The following ARL2 variants were observed in gnomAD, a reference collection of about 807,000 sequenced individuals.
ARL2 encodes ADP-ribosylation factor-like protein 2.
A neutral mutation model predicts 22.0 loss-of-function variants in ARL2; 11 were observed. The ratio of observed to expected loss-of-function variants is 0.50; its 90% confidence interval spans 0.31 to 0.83. The LOEUF is 0.83. ARL2 is among the 40% of genes least tolerant of loss of function. ARL2 has a pLI of 0.04. For missense variants in ARL2, 216 were observed against 243.2 expected (o/e 0.89, Z 0.74); for synonymous variants, 111 against 100.8 (o/e 1.10, Z -0.61).
rs1946285729 is a variant in ARL2, at chr11:65,018,477, G to A, written c.176+3G>A. 1.2e-6 allele frequency: 2 copies of A among 1,606,172 alleles called. No individual in the cohort carries two copies. Among genetic ancestry groups the A allele is most frequent in the Admixed American group, 1.7e-5 (1 of 58,406 alleles). On this transcript the variant is annotated splice_donor_region_variant and intron_variant, in intron 2 of 4. Coordinates refer to ENST00000246747, the MANE Select transcript of ARL2 (RefSeq NM_001667.4). This position sits in a 1 kb window ranked among gnomAD's most constrained non-coding sequence, Gnocchi z 4.2. ...ATCAAGACCCTGGAGCACCGAGGGT[G>A]AGCAGGGGCCCCATGGGAGGGCCAG...
At chr11:65,019,558 G>A (rs2136909875) in intron 3 of ARL2, 1 of 152,992 alleles carries the variant, frequency 6.5e-6, no homozygotes, top group Admixed American at 6.5e-5. Flanking sequence ...AAAAAAGAAG[G>A]ACACTTGCAA....
intron 1 of ARL2, among the ~76,000 whole-genome samples, chr11:65,014,708 G>T (rs1406439567): frequency 6.6e-6 from 1 of 152,232 alleles, no homozygotes; most frequent in Non-Finnish European, 1.5e-5. Context: ...TGGGCTCCGC[G>T]GATCCTTTCG....
At position 65,021,743 on chromosome 11, in the gene ARL2, G is replaced by A. The variant is rs146832019; in HGVS notation, c.443G>A (p.Arg148His). The part of the protein sequence containing the change: ...IREVLELDSI[R>H]SHHWCIQGCS... ...CAGGTCCTGGAGCTGGACTCCATCC[G>A]CAGCCACCACTGGTGCATCCAGGGC... is the stretch of plus-strand genomic sequence containing the variant. Residue 148 changes from arginine (R) to histidine (H), a missense_variant, in exon 5 of 5, where the codon CGC (arginine) becomes CAC (histidine). Coordinates refer to ENST00000246747, the MANE Select transcript of ARL2 (RefSeq NM_001667.4). The A allele has an allele frequency of 2.4e-5, 38 of 1,606,710 alleles. No individual in the cohort carries two copies. Among genetic ancestry groups the A allele is most frequent in the Admixed American group, 6.7e-5 (4 of 59,920 alleles).
chr11:65,015,347 C>T (rs1391857457), intron 1 of ARL2, among the ~76,000 whole-genome samples: 1 of 152,182 alleles, frequency 6.6e-6, no homozygotes, highest in Non-Finnish European at 1.5e-5. Context: ...GAATTCCTGA[C>T]CTCAAGTGAT....
In ARL2 at chr11:65,021,801, G is replaced by A. The variant is rs772807691; in HGVS notation, c.501G>A (p.Pro167=). The A allele has an allele frequency of 3.7e-6, 6 of 1,613,324 alleles. No individual in the cohort carries two copies. The highest frequency in any genetic ancestry group is 1.6e-4 in the Middle Eastern group (1 of 6,072). Residue 167 remains proline (P), a synonymous_variant, in exon 5 of 5, where the codon CCG becomes CCA. Transcript: ENST00000246747. The stretch of plus-strand genomic sequence containing the variant: ...CCGTCACCGGGGAGAACCTGCTGCC[G>A]GGCATCGACTGGCTCCTGGATGACA... ...CSAVTGENLL[P]GIDWLLDDIS...
At chr11:65,014,350 G>A in intron 1 of ARL2, 78 bp downstream of exon 1, 3 of 1,243,250 alleles carry the variant, frequency 2.4e-6, no homozygotes, top group Non-Finnish European at 2.2e-6. Context: ...CCTGTCGGGA[G>A]CGGAACGCGG....
chr11:65,015,564 T>C (rs1946241049), intron 1 of ARL2, among the ~76,000 whole-genome samples: 1 of 152,094 alleles, frequency 6.6e-6, no homozygotes, highest in Non-Finnish European at 1.5e-5. Context: ...GTAATGCGTG[T>C]GTGTGTGTGT....
Position 65,022,048 on chromosome 11 carries a change from C to T in ARL2, c.*193C>T. ...GGCGGGAGGGCTGTGCCCTGGCTGT[C>T]TCTCTGGCTCCTGACCTGGCCTTTG... is the stretch of plus-strand genomic sequence containing the variant. On this transcript the variant is annotated 3_prime_UTR_variant, in exon 5 of 5. Coordinates refer to ENST00000246747, the MANE Select transcript of ARL2 (RefSeq NM_001667.4). 2.5e-6 allele frequency: 2 copies of T among 792,316 alleles called. No individual in the cohort carries two copies. Among genetic ancestry groups the T allele is most frequent in the South Asian group, 3.6e-5 (2 of 55,036 alleles). 49.1% of individuals were successfully genotyped at this position (792,316 alleles called of 1,614,324 possible).
At chr11:65,020,540 G>A in intron 4 of ARL2, 41 bp downstream of exon 4, 1 of 1,517,804 alleles carries the variant, frequency 6.6e-7, no homozygotes, top group Non-Finnish European at 9.0e-7. Context: ...AGGGAAAGGG[G>A]CATACATTTA....
At chr11:65,015,463 T>C (rs888888358) in intron 1 of ARL2, among the ~76,000 whole-genome samples, 6 of 152,198 alleles carry the variant, frequency 3.9e-5, no homozygotes, top group African/African-American at 1.4e-4. Flanking sequence ...AGTTCACTCA[T>C]TTGATAAATA....
chr11:65,015,592 C>T (rs1204414558), intron 1 of ARL2, among the ~76,000 whole-genome samples: 2 of 151,892 alleles, frequency 1.3e-5, no homozygotes, highest in East Asian at 3.9e-4. Context: ...GGGTTGCCCG[C>T]GGGTAGAAAG....
At chr11:65,020,668 A>T (rs2136911971) in intron 4 of ARL2, 169 bp downstream of exon 4, 1 of 624,610 alleles carries the variant, frequency 1.6e-6, no homozygotes, top group South Asian at 2.0e-5. Flanking sequence ...CAGGAGTTCG[A>T]GACCAGCCTG....
At chr11:65,019,107 C>A in intron 3 of ARL2, 1 of 440,290 alleles carries the variant, frequency 2.3e-6, no homozygotes, top group Non-Finnish European at 3.9e-6. Flanking sequence ...GGTGGTGGCA[C>A]GCACCTATAG....
rs1324128674 is a variant in ARL2 at position 65,018,642 on chromosome 11, G to A, written c.248G>A (p.Ser83Asn). ...LRSYWRNYFE[S>N]TDGLIWVVDS... ...TCCTACTGGCGGAACTACTTTGAGA[G>A]CACCGATGGCCTCATCTGGGTAGTG... The change falls in exon 3 of 5, where the codon AGC (serine) becomes AAC (asparagine). Residue 83 changes from serine to asparagine, a missense_variant. Transcript: ENST00000246747. This position sits in a 1 kb window ranked among gnomAD's most constrained non-coding sequence, Gnocchi z 4.2. The A allele has an allele frequency of 6.2e-7, 1 of 1,614,128 alleles. No homozygotes were observed. The highest frequency in any genetic ancestry group is 1.1e-5 in the South Asian group (1 of 91,064).
intron 1 of ARL2, among the ~76,000 whole-genome samples, chr11:65,016,439 C>T (rs546926889): frequency 1.3e-5 from 2 of 151,874 alleles, no homozygotes; most frequent in Non-Finnish European, 2.9e-5. Flanking sequence ...TTTTCCCTTT[C>T]AGTGAGAAGT....
At position 65,017,575 on chromosome 11, in the gene ARL2, G is replaced by A. The variant is rs145641380; in HGVS notation, c.66-789G>A. Among the ~76,000 whole-genome samples the A allele has an allele frequency of 6.3e-3, 952 of 152,300 alleles. 17 individuals carry two copies. Among genetic ancestry groups the A allele is most frequent in the African/African-American group, 0.022 (924 of 41,564 alleles). ...ATGATCAAGAGGGGAAGGAAACATG[G>A]ATGATGGCTTGGGGGCAGGGGGTCA... On this transcript the variant is annotated intron_variant, in intron 1 of 4. Transcript: ENST00000246747.
In ARL2 at chr11:65,018,234, G is replaced by A. The variant is rs1016622426; in HGVS notation, c.66-130G>A. 6 of 680,902 alleles carry A rather than the reference G, an allele frequency of 8.8e-6. No individual in the cohort carries two copies. The highest frequency in any genetic ancestry group is 2.9e-5 in the Admixed American group (1 of 34,198). The allele number at this position is 680,902 out of a possible 1,614,324, so 42.2% of individuals were successfully genotyped here. On this transcript the variant is annotated intron_variant, in intron 1 of 4. Transcript: ENST00000246747. The surrounding 1 kb of genome is among the most constrained non-coding windows in gnomAD (Gnocchi z 4.2). ...GATACTTTCATATTTATTGTGGGCC[G>A]ATTATGGTCAGGCATGTGCTCAACT...
intron 3 of ARL2, 54 bp from the exon 4 acceptor site, chr11:65,020,365 G>A (rs1946312692): frequency 2.8e-6 from 4 of 1,439,246 alleles, no homozygotes; most frequent in Admixed American, 1.7e-5. Context: ...ATTAGAGGAG[G>A]GGTCAGGCTG....
chr11:65,021,953 C>A lies in ARL2; in HGVS notation c.*98C>A. The A allele has an allele frequency of 6.8e-7, 1 of 1,479,040 alleles. No homozygotes were observed. The highest frequency in any genetic ancestry group is 9.1e-7 in the Non-Finnish European group (1 of 1,098,094). The allele number at this position is 1,479,040 out of a possible 1,614,324, so 91.6% of individuals were successfully genotyped here. The stretch of plus-strand genomic sequence containing the variant: ...GGAGTCAGCCGGCCAAACTAACACT[C>A]CCCCTCCTCCACCCCAGCCTGCTGC... On this transcript the variant is annotated 3_prime_UTR_variant, in exon 5 of 5. Transcript: ENST00000246747.
Sources: allele counts gnomAD v4.1 joint callset (sites outside exome capture counted in the v4.1 genomes callset), GRCh38; gene constraint gnomAD v4.1.1; non-coding constraint Gnocchi (gnomAD v3.1); transcripts MANE v1.5; gene names NCBI Gene and HGNC (gene_info 2026-07-23, HGNC 2026-07-21).